CBLB: variants seen among roughly 807,000 people sequenced by gnomAD.
CBLB encodes the protein E3 ubiquitin-protein ligase CBL-B.
Under a neutral mutation model 104.9 loss-of-function variants are expected in CBLB, and 31 were observed. That is an observed-to-expected ratio of 0.30 (90% confidence interval 0.22 to 0.40). The LOEUF (loss-of-function observed/expected upper bound fraction) is 0.40, where lower values mean the gene tolerates loss of function less well. Among genes scored for constraint, CBLB ranks in the 10% least tolerant of loss-of-function variants. The pLI is 1.00. For synonymous variants in CBLB, 440 were observed against 422.6 expected (o/e 1.04, Z -0.51); for missense variants, 1,062 against 1,214.6 (o/e 0.87, Z 1.87).
chr3:105,851,375 A>G lies in CBLB; in HGVS notation c.419+2039T>C, dbSNP rs78516747. Among the ~76,000 whole-genome samples the G allele has an allele frequency of 7.4e-3, 971 of 131,550 alleles. 31 individuals are homozygous for G. In the East Asian group the frequency reaches 0.1, roughly 14 times the overall value. 86.3% of individuals were successfully genotyped at this position (131,550 alleles called of 152,430 possible). ...AAAGATCAGCGGTTGCCATGGGTTC[A>G]GGGGGGGAAGTGAGACAGTAAGTAG... On this transcript the variant is annotated intron_variant, in intron 3 of 18. Coordinates refer to ENST00000394030, the MANE Select transcript of CBLB (RefSeq NM_170662.5).
rs1318469663 is a variant in CBLB at position 105,799,644 on chromosome 3, A to G, written c.420-23102T>C. On this transcript the variant is annotated intron_variant, in intron 3 of 18. Coordinates refer to ENST00000394030, the MANE Select transcript of CBLB (RefSeq NM_170662.5). The stretch of plus-strand genomic sequence containing the variant: ...CCAAAATTTCTATAATATTCACCCT[A>G]TAACCCAGAAAACAATAAAATGTTT... 2.0e-5 allele frequency among the ~76,000 whole-genome samples: 3 copies of G among 152,192 alleles called. No individual in the cohort carries two copies. The East Asian group carries it at 5.8e-4, about 29-fold the overall frequency.
chr3:105,862,865 CTTCATTCTACACCAACTT>C (rs2092205522), intron 2 of CBLB, among the ~76,000 whole-genome samples: 1 of 152,154 alleles, frequency 6.6e-6, no homozygotes, highest in South Asian at 2.1e-4. Context: ...CTCCTCCATG[CTTCATTCTACACCAACTT>C]TTCACCCTTA....
chr3:105,820,641 A>G lies in CBLB; in HGVS notation c.419+32773T>C, dbSNP rs543967687. Among the ~76,000 whole-genome samples, 4 of 152,230 alleles carry G rather than the reference A, an allele frequency of 2.6e-5. No individual in the cohort carries two copies. In the South Asian group the frequency reaches 8.3e-4, roughly 32 times the overall value. ...ATCATTTGTTTTAAACCCCTCCCAT[A>G]ATTAAGTTGAATTAATTTTACACAA... On this transcript the variant is annotated intron_variant, in intron 3 of 18. Coordinates refer to ENST00000394030, the MANE Select transcript of CBLB (RefSeq NM_170662.5).
intron 9 of CBLB, among the ~76,000 whole-genome samples, chr3:105,730,513 A>C (rs1001128029): frequency 1.2e-4 from 19 of 152,090 alleles, no homozygotes; most frequent in African/African-American, 4.6e-4. Context: ...GTAATGACCA[A>C]TGTGCAGATA....
chr3:105,698,374 G>T (rs1482364670), intron 12 of CBLB, among the ~76,000 whole-genome samples: 1 of 151,920 alleles, frequency 6.6e-6, no homozygotes, highest in Non-Finnish European at 1.5e-5. Context: ...CTGGATGATG[G>T]GAACTGACAT....
chr3:105,780,671 T>TTTTG (rs1553789113), intron 3 of CBLB, among the ~76,000 whole-genome samples: 3 of 118,698 alleles, frequency 2.5e-5, no homozygotes, highest in Middle Eastern at 3.9e-3. Flanking sequence ...TTTTTTTTTT[T>TTTTG]TTTTTTTTTG....
chr3:105,760,718 A>C (rs2077537184), intron 4 of CBLB, among the ~76,000 whole-genome samples: 1 of 151,964 alleles, frequency 6.6e-6, no homozygotes, highest in South Asian at 2.1e-4. Flanking sequence ...TAGATGTATA[A>C]GATAAACTGA....
At chr3:105,868,330 T>A (rs1006900469) in intron 1 of CBLB, 11 of 756,108 alleles carry the variant, frequency 1.5e-5, no homozygotes, top group Non-Finnish European at 2.0e-5. Context: ...AACCCAAAGC[T>A]TTGTTTCAGG....
rs3772511 is a variant in CBLB, at chr3:105,853,745, T to C, written c.169-81A>G. On this transcript the variant is annotated intron_variant, in intron 2 of 18. Coordinates refer to ENST00000394030, the MANE Select transcript of CBLB (RefSeq NM_170662.5). ...TAAAAAGTTAGAGAACCATGTCCTATTTCTTCATTTTTCCATAATATAAAT... is the reference window on the plus strand; with the variant it reads ...TAAAAAGTTAGAGAACCATGTCCTACTTCTTCATTTTTCCATAATATAAAT... 2.8e-5 allele frequency: 25 copies of C among 908,650 alleles called. No homozygotes were observed. The East Asian group carries it at 6.7e-4, about 24-fold the overall frequency. 56.3% of individuals were successfully genotyped at this position (908,650 alleles called of 1,614,324 possible).
intron 6 of CBLB, among the ~76,000 whole-genome samples, chr3:105,744,568 A>C (rs1230927306): frequency 6.6e-6 from 1 of 152,212 alleles, no homozygotes; most frequent in Non-Finnish European, 1.5e-5. Context: ...ATTCTTAAAA[A>C]GACAAAAATA....
intron 2 of CBLB, among the ~76,000 whole-genome samples, chr3:105,862,465 T>C (rs1454345466): frequency 6.6e-6 from 1 of 152,192 alleles, no homozygotes; most frequent in African/African-American, 2.4e-5. Context: ...CCAAGACCTG[T>C]AGATTTTACC....
chr3:105,860,327 A>G (rs927100958), intron 2 of CBLB, among the ~76,000 whole-genome samples: 69 of 152,350 alleles, frequency 4.5e-4, no homozygotes, highest in African/African-American at 1.6e-3. Context: ...GCTGCCTAAA[A>G]ATGAGTACAA....
chr3:105,860,504 T>C (rs558150629), intron 2 of CBLB, among the ~76,000 whole-genome samples: 7 of 152,342 alleles, frequency 4.6e-5, no homozygotes, highest in African/African-American at 1.7e-4. Context: ...ACCTAGGATC[T>C]GGCCCTAACA....
intron 3 of CBLB, among the ~76,000 whole-genome samples, chr3:105,844,681 A>G (rs1453017731): frequency 1.3e-5 from 2 of 152,232 alleles, no homozygotes; most frequent in African/African-American, 2.4e-5. Context: ...ATGGTTATGA[A>G]GTACTTCACA....
intron 18 of CBLB, among the ~76,000 whole-genome samples, chr3:105,663,371 G>A (rs1327059359): frequency 2.6e-5 from 4 of 152,134 alleles, no homozygotes; most frequent in East Asian, 3.9e-4. Context: ...TATTTATTGG[G>A]TAGAAAGAGC....
At chr3:105,738,014 AT>A (rs1432004530) in intron 7 of CBLB, among the ~76,000 whole-genome samples, 1 of 152,180 alleles carries the variant, frequency 6.6e-6, no homozygotes, top group African/African-American at 2.4e-5. Flanking sequence ...TTATTGAAAA[AT>A]TCATTAAAAA....
chr3:105,678,595 T>G (rs1448445024), intron 16 of CBLB, 24 bp from the exon 17 acceptor site: 1 of 1,606,274 alleles, frequency 6.2e-7, no homozygotes. Context: ...AAGGTCGATA[T>G]CAGCAGCAGA....
At chr3:105,862,847 G>A (rs2092202060) in intron 2 of CBLB, among the ~76,000 whole-genome samples, 1 of 151,980 alleles carries the variant, frequency 6.6e-6, no homozygotes, top group Non-Finnish European at 1.5e-5. Flanking sequence ...CCATGAGCTG[G>A]CCAGCACCTC....
intron 18 of CBLB, among the ~76,000 whole-genome samples, chr3:105,665,129 G>A (rs777979804): frequency 3.3e-5 from 5 of 151,942 alleles, no homozygotes; most frequent in East Asian, 1.9e-4. Context: ...CAGGCCAGGC[G>A]CAGTGGCTCA....
Sources: allele counts gnomAD v4.1 joint callset (sites outside exome capture counted in the v4.1 genomes callset), GRCh38; gene constraint gnomAD v4.1.1; transcripts MANE v1.5; gene names NCBI Gene and HGNC (gene_info 2026-07-23, HGNC 2026-07-21).